CAMKMT: variants seen among roughly 807,000 people sequenced by gnomAD.
CAMKMT encodes the protein calmodulin-lysine N-methyltransferase.
Under a neutral mutation model 48.0 loss-of-function variants are expected in CAMKMT, and 53 were observed. The ratio of observed to expected loss-of-function variants is 1.10; its 90% CI spans 0.89 to 1.39. The LOEUF is 1.39. CAMKMT is among the 40% of genes most tolerant of loss of function. The probability of loss-of-function intolerance (pLI) is 0.00; values close to 1 mark genes in which losing one functional copy is unlikely to be tolerated. For missense variants in CAMKMT, 428 were observed against 402.7 expected (o/e 1.06, Z -0.54); for synonymous variants, 165 against 152.3 (o/e 1.08, Z -0.61).
intron 3 of CAMKMT, among the ~76,000 whole-genome samples, chr2:44,514,241 G>A (rs535015842): frequency 2.0e-5 from 3 of 152,270 alleles, no homozygotes; most frequent in Admixed American, 1.3e-4. Flanking sequence ...CTATATCCAA[G>A]AAGGGCAAAT....
intron 3 of CAMKMT, among the ~76,000 whole-genome samples, chr2:44,503,366 G>A (rs555914398): frequency 1.3e-5 from 2 of 152,196 alleles, no homozygotes; most frequent in African/African-American, 2.4e-5. Context: ...TCTGTCCTAA[G>A]ATATTGATGG....
At chr2:44,647,407 G>T (rs946241152) in intron 3 of CAMKMT, among the ~76,000 whole-genome samples, 1 of 152,156 alleles carries the variant, frequency 6.6e-6, no homozygotes, top group Middle Eastern at 3.2e-3. Flanking sequence ...ATAATGAAGT[G>T]CAGTGAACAA....
At chr2:44,702,276 A>G (rs1303135010) in intron 3 of CAMKMT, among the ~76,000 whole-genome samples, 1 of 152,148 alleles carries the variant, frequency 6.6e-6, no homozygotes, top group Admixed American at 6.6e-5. Flanking sequence ...ATGTGGAGAT[A>G]TGACCGGTAT....
chr2:44,555,297 G>A (rs1329937891), intron 3 of CAMKMT, among the ~76,000 whole-genome samples: 1 of 152,154 alleles, frequency 6.6e-6, no homozygotes, highest in African/African-American at 2.4e-5. Context: ...TTGGTGGTAG[G>A]GATAGAGAAG....
rs1034996689 is a variant in CAMKMT at position 44,688,777 on chromosome 2, A to G, written c.377-15506A>G. On this transcript the variant is annotated intron_variant, in intron 3 of 10. Transcript: ENST00000378494. ...AAGAGAGGAAACTTGGAATAAATGC[A>G]GTGTGATATGCTGGGACGTGCACCT... 7.2e-5 allele frequency among the ~76,000 whole-genome samples: 11 copies of G among 152,302 alleles called. No homozygotes were observed. In the South Asian group the frequency reaches 2.3e-3, roughly 32 times the overall value.
intron 3 of CAMKMT, among the ~76,000 whole-genome samples, chr2:44,453,240 C>G (rs750301700): frequency 6.6e-6 from 1 of 151,952 alleles, no homozygotes; most frequent in African/African-American, 2.4e-5. Flanking sequence ...TGCATATTTA[C>G]TTATACTCAC....
chr2:44,633,917 T>C (rs1672978707), intron 3 of CAMKMT, among the ~76,000 whole-genome samples: 1 of 152,190 alleles, frequency 6.6e-6, no homozygotes, highest in Admixed American at 6.5e-5. Context: ...TTTCAACACT[T>C]ATTTTTGGTT....
At chr2:44,422,428 G>C (rs139276912) in intron 3 of CAMKMT, among the ~76,000 whole-genome samples, 5 of 152,168 alleles carry the variant, frequency 3.3e-5, no homozygotes, top group African/African-American at 1.2e-4. Flanking sequence ...CTCAGAACCT[G>C]GGAAGGCTAG....
At chr2:44,724,620 C>T (rs1286739799) in intron 7 of CAMKMT, among the ~76,000 whole-genome samples, 1 of 152,110 alleles carries the variant, frequency 6.6e-6, no homozygotes, top group Non-Finnish European at 1.5e-5. Context: ...CATGGATAGC[C>T]TCTGTTTGTC....
At chr2:44,379,892 G>C (rs1163596184) in intron 2 of CAMKMT, among the ~76,000 whole-genome samples, 1 of 151,522 alleles carries the variant, frequency 6.6e-6, no homozygotes, top group Non-Finnish European at 1.5e-5. Context: ...TCATACATGT[G>C]ATATTTGCAA....
At chr2:44,511,580 C>T (rs698837) in intron 3 of CAMKMT, among the ~76,000 whole-genome samples, 71,815 of 152,152 alleles carry the variant, frequency 0.47, 18,930 homozygotes, top group Non-Finnish European at 0.59. Context: ...TGAGCCACCA[C>T]GCCTGGCCTA....
At chr2:44,548,717 A>AC (rs1336479401) in intron 3 of CAMKMT, among the ~76,000 whole-genome samples, 1 of 152,188 alleles carries the variant, frequency 6.6e-6, no homozygotes, top group Non-Finnish European at 1.5e-5. Flanking sequence ...GGAGGCAGCT[A>AC]CGTAGCAAGG....
chr2:44,647,650 A>T (rs1298568630), intron 3 of CAMKMT, among the ~76,000 whole-genome samples: 1 of 152,114 alleles, frequency 6.6e-6, no homozygotes, highest in Non-Finnish European at 1.5e-5. Context: ...TCACACCTGT[A>T]ATCCTAGCAC....
intron 7 of CAMKMT, among the ~76,000 whole-genome samples, chr2:44,721,968 A>T (rs1232386066): frequency 2.0e-5 from 3 of 152,224 alleles, no homozygotes; most frequent in East Asian, 3.9e-4. Flanking sequence ...GCCTTTGCTT[A>T]TTCTGGACAT....
At chr2:44,690,253 A>G (rs1676569467) in intron 3 of CAMKMT, among the ~76,000 whole-genome samples, 2 of 152,258 alleles carry the variant, frequency 1.3e-5, no homozygotes, top group Non-Finnish European at 2.9e-5. Flanking sequence ...AAGTGTACAC[A>G]TATAATGATC....
chr2:44,511,845 C>T (rs1417038418), intron 3 of CAMKMT, among the ~76,000 whole-genome samples: 3 of 152,238 alleles, frequency 2.0e-5, no homozygotes, highest in East Asian at 1.9e-4. Flanking sequence ...AGTGAGACCT[C>T]CTTGACCACC....
chr2:44,577,847 T>C (rs72790097), intron 3 of CAMKMT, among the ~76,000 whole-genome samples: 2,888 of 152,316 alleles, frequency 0.019, 33 homozygotes, highest in Non-Finnish European at 0.03. Flanking sequence ...GTAACCCTTA[T>C]CTTCTACTAG....
Position 44,772,176 on chromosome 2 carries a change from C to G in CAMKMT, c.*63C>G. ...TGCATAGGGAATATTTTTACAAAAA[C>G]GGAAATCTGTAAGGGGTATAATCGC... On this transcript the variant is annotated 3_prime_UTR_variant, in exon 11 of 11. Coordinates refer to ENST00000378494, the MANE Select transcript of CAMKMT (RefSeq NM_024766.5). 7.0e-7 allele frequency: 1 copy of G among 1,434,678 alleles called. No individual in the cohort carries two copies. Among genetic ancestry groups the G allele is most frequent in the South Asian group, 1.2e-5 (1 of 85,478 alleles). 88.9% of individuals were successfully genotyped at this position (1,434,678 alleles called of 1,614,324 possible).
chr2:44,768,117 T>C (rs1484600513), intron 10 of CAMKMT, among the ~76,000 whole-genome samples: 1 of 152,142 alleles, frequency 6.6e-6, no homozygotes, highest in Non-Finnish European at 1.5e-5. Flanking sequence ...CTCTTTTTAT[T>C]TCCAACGTTG....
Sources: allele counts gnomAD v4.1 joint callset (sites outside exome capture counted in the v4.1 genomes callset), GRCh38; gene constraint gnomAD v4.1.1; transcripts MANE v1.5; gene names NCBI Gene and HGNC (gene_info 2026-07-23, HGNC 2026-07-21).